ANKFN1: variants seen among roughly 807,000 people sequenced by gnomAD.
ANKFN1 encodes the protein ankyrin repeat and fibronectin type-III domain-containing protein 1.
Under a neutral mutation model 108.7 loss-of-function variants are expected in ANKFN1, and 74 were observed. That is an observed-to-expected ratio of 0.68 (90% CI 0.56 to 0.83). ANKFN1 has a LOEUF of 0.83. ANKFN1 is among the 40% of genes least tolerant of loss of function. The pLI, the probability that ANKFN1 is intolerant of heterozygous loss-of-function variation, is 0.00. For missense variants in ANKFN1, 1,505 were observed against 1,382.3 expected (o/e 1.09, Z -1.41); for synonymous variants, 547 against 516.2 (o/e 1.06, Z -0.81).
intron 4 of ANKFN1, among the ~76,000 whole-genome samples, chr17:56,110,549 C>A (rs1229870276): frequency 6.6e-6 from 1 of 151,968 alleles, no homozygotes; most frequent in Non-Finnish European, 1.5e-5. Flanking sequence ...CAGGGCCTTT[C>A]ACCTGGAATA....
chr17:56,463,974 G>A (rs2049995827), intron 14 of ANKFN1: 1 of 152,134 alleles, frequency 6.6e-6, no homozygotes, highest in South Asian at 2.1e-4. Context: ...ATTCCTGTTA[G>A]CCATCAGGTG....
At chr17:56,385,607 C>T (rs1301212223) in intron 8 of ANKFN1, among the ~76,000 whole-genome samples, 1 of 152,166 alleles carries the variant, frequency 6.6e-6, no homozygotes, top group East Asian at 1.9e-4. Context: ...CTACAATGAA[C>T]TCAAACAAAT....
chr17:56,292,898 A>G (rs7209373), intron 3 of ANKFN1, among the ~76,000 whole-genome samples: 6,011 of 152,246 alleles, frequency 0.039, 381 homozygotes, highest in African/African-American at 0.14. Context: ...CCTGCCCATT[A>G]TAATTACAAT....
chr17:56,117,659 G>T (rs1263304145), intron 4 of ANKFN1, among the ~76,000 whole-genome samples: 1 of 152,154 alleles, frequency 6.6e-6, no homozygotes, highest in Non-Finnish European at 1.5e-5. Flanking sequence ...AATAGGCAAA[G>T]ACAAATAGTA....
intron 4 of ANKFN1, among the ~76,000 whole-genome samples, chr17:56,108,480 A>T (rs17819919): frequency 0.35 from 53,350 of 152,122 alleles, 10,042 homozygotes; most frequent in East Asian, 0.53. Context: ...CACTTACTAT[A>T]TGATAACCAT....
intron 1 of ANKFN1, chr17:56,206,630 T>C (rs1269810598): frequency 6.6e-6 from 1 of 152,204 alleles, no homozygotes; most frequent in Non-Finnish European, 1.5e-5. Flanking sequence ...GTTTTTGGTT[T>C]CAGTTTCGTA....
At chr17:56,141,360 G>T (rs1907906728) in intron 4 of ANKFN1, among the ~76,000 whole-genome samples, 3 of 152,118 alleles carry the variant, frequency 2.0e-5, no homozygotes, top group Admixed American at 2.0e-4. Flanking sequence ...TTGAAGATTG[G>T]GGCAGCTGGC....
At chr17:56,446,036 G>A (rs903140795) in intron 10 of ANKFN1, among the ~76,000 whole-genome samples, 8 of 151,964 alleles carry the variant, frequency 5.3e-5, no homozygotes, top group Admixed American at 1.3e-4. Flanking sequence ...TTATGTAGTC[G>A]TCAGAACCTT....
chr17:56,068,082 G>A (rs551037517), intron 4 of ANKFN1, among the ~76,000 whole-genome samples: 2 of 152,086 alleles, frequency 1.3e-5, no homozygotes, highest in African/African-American at 4.8e-5. Context: ...TGCACTCCTG[G>A]GCTTCCCAGC....
chr17:56,327,655 G>T (rs1443922036), intron 4 of ANKFN1, among the ~76,000 whole-genome samples: 1 of 152,126 alleles, frequency 6.6e-6, no homozygotes, highest in African/African-American at 2.4e-5. Context: ...CTGGTTACAG[G>T]AATGGTGAGA....
chr17:56,125,356 T>C (rs773580050), intron 4 of ANKFN1, among the ~76,000 whole-genome samples: 10 of 152,068 alleles, frequency 6.6e-5, no homozygotes, highest in Non-Finnish European at 1.3e-4. Context: ...TAATACTTGG[T>C]ATAATGAAGG....
intron 8 of ANKFN1, among the ~76,000 whole-genome samples, chr17:56,377,176 A>T (rs1177628736): frequency 6.6e-6 from 1 of 152,184 alleles, no homozygotes; most frequent in Non-Finnish European, 1.5e-5. Flanking sequence ...CTATTTTGAC[A>T]ACTCAATGTT....
chr17:56,339,126 C>G (rs1445664708), intron 4 of ANKFN1, among the ~76,000 whole-genome samples: 1 of 151,702 alleles, frequency 6.6e-6, no homozygotes, highest in Non-Finnish European at 1.5e-5. Flanking sequence ...AAATTTATTT[C>G]TAAGTATTTT....
In ANKFN1 at chr17:56,227,901, T is replaced by A. The variant is rs1263153015; in HGVS notation, c.13-16T>A. 6.2e-7 allele frequency: 1 copy of A among 1,601,118 alleles called. No homozygotes were observed. Among genetic ancestry groups the A allele is most frequent in the Non-Finnish European group, 8.5e-7 (1 of 1,174,522 alleles). ...GTACAATTTTTTAACATTCTTTTTT[T>A]CTTTCTTTGTTTCAGAGGCTACTCT... On this transcript the variant is annotated splice_polypyrimidine_tract_variant and intron_variant, in intron 2 of 20. Transcript: ENST00000682825.
In ANKFN1 at chr17:56,061,265, C is replaced by CTTTTTTTTTTTT. The variant is rs71137190; in HGVS notation, c.288+14952_288+14963dup. Reference sequence around the variant, plus strand: ...TCTGATTTCTCTGATGGTAGTTTTTCTTTTTTTTTTTTTTTTTTTTTTTGA... The same window carrying CTTTTTTTTTTTT: ...TCTGATTTCTCTGATGGTAGTTTTTCTTTTTTTTTTTTTTTTTTTTTTTTTTTTTTTTTTTGA... On this transcript the variant is annotated intron_variant, in intron 4 of 12. Coordinates refer to the ANKFN1 transcript ENST00000635860. 8.2e-5 allele frequency among the ~76,000 whole-genome samples: 6 copies of CTTTTTTTTTTTT among 72,914 alleles called. 2 individuals are homozygous for CTTTTTTTTTTTT. Among genetic ancestry groups the CTTTTTTTTTTTT allele is most frequent in the East Asian group, 5.2e-4 (1 of 1,924 alleles). The allele number at this position is 72,914 out of a possible 152,430, so 47.8% of individuals were successfully genotyped here. A position where few individuals can be genotyped will look rare whatever the true frequency, so the allele number is the denominator to read the frequency against.
intron 8 of ANKFN1, among the ~76,000 whole-genome samples, chr17:56,382,987 C>A (rs2047151101): frequency 6.6e-6 from 1 of 152,180 alleles, no homozygotes. Context: ...ACCTAATAGA[C>A]ATCTACAGAA....
At chr17:56,153,574 G>GGCCATTGTTTT (rs749749621) in intron 1 of ANKFN1, 44 bp downstream of exon 1, 3 of 1,611,340 alleles carry the variant, frequency 1.9e-6, no homozygotes, top group Middle Eastern at 1.7e-4. Context: ...GGTGTTTGGA[G>GGCCATTGTTTT]GCCATTGTTT....
chr17:56,477,524 C>A lies in ANKFN1; in HGVS notation c.1810C>A (p.Leu604Ile). 1 of 1,608,214 alleles carries A rather than the reference C, an allele frequency of 6.2e-7. No homozygotes were observed. Among genetic ancestry groups the A allele is most frequent in the Non-Finnish European group, 8.5e-7 (1 of 1,177,488 alleles). ...LSYHKRSHQR[L>I]FPGLYLGYLK... ...CTATCACAAAAGGAGTCATCAGCGT[C>A]TCTTTCCTGGATTATATCTGGGTTA... Residue 604 changes from leucine to isoleucine, a missense_variant, in exon 16 of 21, where the codon CTC (leucine) becomes ATC (isoleucine). Transcript: ENST00000682825.
At chr17:56,201,041 G>A (rs2143755178) in intron 1 of ANKFN1, among the ~76,000 whole-genome samples, 1 of 152,300 alleles carries the variant, frequency 6.6e-6, no homozygotes, top group South Asian at 2.1e-4. Context: ...AGCCCTCACA[G>A]TCCAATCTCT....
Sources: gnomAD v4.1 joint callset for allele counts (sites outside exome capture counted in the v4.1 genomes callset) on GRCh38, gnomAD v4.1.1 for gene constraint, MANE v1.5 for transcripts, NCBI Gene and HGNC (gene_info 2026-07-23, HGNC 2026-07-21) for gene names.